Variants in STK32B observed in about 807,000 individuals in gnomAD.
STK32B encodes the protein serine/threonine-protein kinase 32B.
In STK32B, 43 loss-of-function variants were observed where a neutral mutation model predicts 52.6. The observed-to-expected ratio is 0.82, with a 90% CI of 0.64 to 1.05. The LOEUF (loss-of-function observed/expected upper bound fraction) is 1.05, where lower values mean the gene tolerates loss of function less well. Among genes scored for constraint, STK32B ranks in the 50% least tolerant of loss-of-function variants. STK32B has a pLI of 0.00. For synonymous variants in STK32B, 238 were observed against 204.3 expected, an observed-to-expected ratio of 1.17 and a Z score of -1.41; for missense variants, 621 against 534.6, an observed-to-expected ratio of 1.16 and a Z score of -1.59.
At chr4:5,068,942 C>G (rs539201160) in intron 1 of STK32B, among the ~76,000 whole-genome samples, 44 of 152,208 alleles carry the variant, frequency 2.9e-4, no homozygotes, top group African/African-American at 1.0e-3. Context: ...AAGACCTACT[C>G]CCTTGGCAAA....
chr4:5,316,645 TATATATAATATATAATATATATTA>T (rs1730826653), intron 3 of STK32B, among the ~76,000 whole-genome samples: 1 of 9,976 alleles, frequency 1.0e-4, no homozygotes, highest in Non-Finnish European at 1.2e-4. Context: ...TAATATATTA[TATATATAATATATAATATATATTA>T]TATATATAAT....
At chr4:5,196,423 TTTAAAATTCA>T (rs1721675596) in intron 3 of STK32B, among the ~76,000 whole-genome samples, 1 of 148,498 alleles carries the variant, frequency 6.7e-6, no homozygotes, top group Non-Finnish European at 1.5e-5. Flanking sequence ...ACAGAAATAT[TTTAAAATTCA>T]AGATAAGGGC....
intron 3 of STK32B, among the ~76,000 whole-genome samples, chr4:5,296,669 G>A (rs1161779494): frequency 6.6e-6 from 1 of 152,150 alleles, no homozygotes; most frequent in East Asian, 1.9e-4. Context: ...TTGCACGTGA[G>A]ATGGGTCTCC....
chr4:5,245,757 G>A (rs1195600712), intron 3 of STK32B, among the ~76,000 whole-genome samples: 1 of 152,134 alleles, frequency 6.6e-6, no homozygotes, highest in Non-Finnish European at 1.5e-5. Context: ...AGCTCTTTTA[G>A]GGCAGGCCTG....
chr4:5,156,552 T>A (rs1214609605), intron 2 of STK32B, among the ~76,000 whole-genome samples: 1 of 152,180 alleles, frequency 6.6e-6, no homozygotes, highest in Non-Finnish European at 1.5e-5. Flanking sequence ...AGTGCTCCAC[T>A]TTGAGTTAAC....
At chr4:5,170,504 C>G (rs1471673589) in intron 3 of STK32B, among the ~76,000 whole-genome samples, 1 of 151,956 alleles carries the variant, frequency 6.6e-6, no homozygotes, top group African/African-American at 2.4e-5. Context: ...GTTCCCCTTC[C>G]TGTGTCCATG....
intron 6 of STK32B, among the ~76,000 whole-genome samples, chr4:5,426,705 A>AAAAAAAAAAAAAAAC (rs1713136541): frequency 6.6e-6 from 1 of 150,882 alleles, no homozygotes; most frequent in Non-Finnish European, 1.5e-5. Flanking sequence ...AAAAAAAAAA[A>AAAAAAAAAAAAAAAC]AAAAAAAAAG....
chr4:5,251,301 T>C (rs1725910200), intron 3 of STK32B, among the ~76,000 whole-genome samples: 1 of 152,246 alleles, frequency 6.6e-6, no homozygotes. Context: ...CTTCTGCATG[T>C]GGCTGGTTAG....
chr4:5,175,702 A>G (rs1289857237), intron 3 of STK32B, among the ~76,000 whole-genome samples: 2 of 151,980 alleles, frequency 1.3e-5, no homozygotes, highest in Admixed American at 1.3e-4. Flanking sequence ...TGAGGTGTCA[A>G]TCTGCCCCTA....
At chr4:5,171,836 T>A (rs367837233) in intron 3 of STK32B, among the ~76,000 whole-genome samples, 3 of 148,900 alleles carry the variant, frequency 2.0e-5, no homozygotes, top group Non-Finnish European at 4.5e-5. Context: ...TTTTTCCAAT[T>A]CTGTGAAGAA....
intron 3 of STK32B, among the ~76,000 whole-genome samples, chr4:5,286,879 C>A (rs1728583169): frequency 1.4e-5 from 2 of 147,362 alleles, no homozygotes; most frequent in South Asian, 4.2e-4. Context: ...CTCACTGCAA[C>A]CTCTGCCTTC....
chr4:5,481,659 C>T (rs1056437174), intron 11 of STK32B, among the ~76,000 whole-genome samples: 1 of 152,140 alleles, frequency 6.6e-6, no homozygotes, highest in African/African-American at 2.4e-5. Context: ...AGTCCTTGCC[C>T]ATGCCTATGT....
intron 3 of STK32B, among the ~76,000 whole-genome samples, chr4:5,252,101 A>T (rs2108833642): frequency 6.6e-6 from 1 of 152,304 alleles, no homozygotes; most frequent in Admixed American, 6.5e-5. Flanking sequence ...ACCCCCCATC[A>T]GATGTCTCAG....
At chr4:5,375,047 C>T (rs113568959) in intron 4 of STK32B, among the ~76,000 whole-genome samples, 2,095 of 152,276 alleles carry the variant, frequency 0.014, 45 homozygotes, top group African/African-American at 0.047. Flanking sequence ...AGCCAAGGAA[C>T]CAATGAACCC....
At chr4:5,157,302 A>T (rs894467637) in intron 2 of STK32B, among the ~76,000 whole-genome samples, 39 of 147,926 alleles carry the variant, frequency 2.6e-4, no homozygotes, top group African/African-American at 8.9e-4. Context: ...GAGGATGTAA[A>T]AAAAAAAAAA....
intron 3 of STK32B, among the ~76,000 whole-genome samples, chr4:5,247,261 C>T (rs896936826): frequency 6.6e-6 from 1 of 152,194 alleles, no homozygotes; most frequent in Non-Finnish European, 1.5e-5. Context: ...CCTACTCAAG[C>T]CTGAGCAATG....
intron 1 of STK32B, among the ~76,000 whole-genome samples, chr4:5,066,457 C>T (rs529538297): frequency 2.6e-5 from 4 of 152,286 alleles, no homozygotes; most frequent in South Asian, 2.1e-4. Context: ...CAAGTATGAT[C>T]GTGTCGGTTC....
At chr4:5,366,262 A>C (rs765648956) in intron 4 of STK32B, among the ~76,000 whole-genome samples, 5 of 152,194 alleles carry the variant, frequency 3.3e-5, no homozygotes, top group Non-Finnish European at 5.9e-5. Context: ...TGAAGCAATA[A>C]AGGGAAAGAG....
chr4:5,317,223 AT>A (rs1174906968), intron 3 of STK32B, among the ~76,000 whole-genome samples: 20 of 53,506 alleles, frequency 3.7e-4, no homozygotes, highest in Admixed American at 3.2e-4. Context: ...ACATATATAT[AT>A]TATATATAAC....
Sources: gnomAD v4.1 joint callset for allele counts (sites outside exome capture counted in the v4.1 genomes callset) on GRCh38, gnomAD v4.1.1 for gene constraint, MANE v1.5 for transcripts, NCBI Gene and HGNC (gene_info 2026-07-23, HGNC 2026-07-21) for gene names.